Variants in ZNF804B observed in about 807,000 individuals in gnomAD.
ZNF804B encodes the protein zinc finger 804B.
ZNF804B carries 80 observed loss-of-function variants against 101.4 expected under a neutral mutation model. The ratio of observed to expected loss-of-function variants is 0.79; its 90% CI spans 0.66 to 0.95. ZNF804B has a LOEUF of 0.95. Ranked by LOEUF, ZNF804B falls within the 40% of genes least tolerant of loss-of-function variation. The pLI, the probability that ZNF804B is intolerant of heterozygous loss-of-function variation, is 0.00. For missense variants in ZNF804B, 1,673 were observed against 1,561.9 expected, an observed-to-expected ratio of 1.07 and a Z score of -1.20; for synonymous variants, 622 against 558.8, an observed-to-expected ratio of 1.11 and a Z score of -1.59.
chr7:89,249,603 A>G (rs564358327), intron 2 of ZNF804B, among the ~76,000 whole-genome samples: 9 of 152,296 alleles, frequency 5.9e-5, no homozygotes, highest in Admixed American at 2.0e-4. Context: ...CACAGATACA[A>G]TATACTAAAA....
chr7:89,115,578 G>A (rs985854046), intron 1 of ZNF804B, among the ~76,000 whole-genome samples: 2 of 152,168 alleles, frequency 1.3e-5, no homozygotes, highest in Non-Finnish European at 2.9e-5. Flanking sequence ...ATAATGGATG[G>A]AAGTTGATGA....
At chr7:88,906,236 G>A (rs1183189313) in intron 1 of ZNF804B, among the ~76,000 whole-genome samples, 1 of 151,826 alleles carries the variant, frequency 6.6e-6, no homozygotes, top group East Asian at 1.9e-4. Context: ...GATGTTTTGT[G>A]TGAATTTTTA....
intron 1 of ZNF804B, among the ~76,000 whole-genome samples, chr7:88,798,873 A>G (rs1423163419): frequency 6.6e-6 from 1 of 152,096 alleles, no homozygotes; most frequent in Non-Finnish European, 1.5e-5. Context: ...TGGTGACTCA[A>G]GAGAACTCTT....
At position 88,995,941 on chromosome 7, in the gene ZNF804B, C is replaced by T. The variant is rs532931649; in HGVS notation, c.109-222214C>T. ...TTCTGCAAAATACCTGACCAATACT[C>T]AAAGCTGTGAAGGTCATTAAAAACA... is the stretch of plus-strand genomic sequence containing the variant. On this transcript the variant is annotated intron_variant, in intron 1 of 3. Transcript: ENST00000333190. Among the ~76,000 whole-genome samples the T allele has an allele frequency of 4.6e-5, 7 of 152,060 alleles. No homozygotes were observed. In the South Asian group the frequency reaches 1.0e-3, roughly 23 times the overall value.
At chr7:88,768,006 C>T (rs1250948276) in intron 1 of ZNF804B, among the ~76,000 whole-genome samples, 1 of 152,168 alleles carries the variant, frequency 6.6e-6, no homozygotes, top group African/African-American at 2.4e-5. Flanking sequence ...GCCATCACAT[C>T]CATTGAAATC....
At chr7:88,954,680 T>C (rs557127812) in intron 1 of ZNF804B, among the ~76,000 whole-genome samples, 1 of 151,718 alleles carries the variant, frequency 6.6e-6, no homozygotes, top group South Asian at 2.1e-4. Flanking sequence ...AATGTGTGGT[T>C]TTGGGGTCAC....
intron 1 of ZNF804B, among the ~76,000 whole-genome samples, chr7:88,878,233 G>T (rs1159228613): frequency 6.6e-6 from 1 of 152,022 alleles, no homozygotes; most frequent in Non-Finnish European, 1.5e-5. Flanking sequence ...CAAGGGTTTT[G>T]GATCCTCCTG....
At chr7:88,853,561 G>A (rs538554432) in intron 1 of ZNF804B, among the ~76,000 whole-genome samples, 2 of 152,028 alleles carry the variant, frequency 1.3e-5, no homozygotes, top group East Asian at 3.9e-4. Context: ...AGATTTTTTT[G>A]TGCTCAGTAG....
intron 1 of ZNF804B, among the ~76,000 whole-genome samples, chr7:88,883,923 A>G (rs1350876404): frequency 2.6e-5 from 4 of 152,058 alleles, no homozygotes; most frequent in South Asian, 2.1e-4. Context: ...TTAGAAGACA[A>G]TAACATTATA....
chr7:89,070,709 C>T (rs1445531499), intron 1 of ZNF804B, among the ~76,000 whole-genome samples: 4 of 152,140 alleles, frequency 2.6e-5, no homozygotes, highest in Non-Finnish European at 5.9e-5. Context: ...GATTTAACCT[C>T]AGGCTCAATG....
intron 1 of ZNF804B, among the ~76,000 whole-genome samples, chr7:89,183,409 C>T (rs117809376): frequency 3.9e-5 from 6 of 151,982 alleles, no homozygotes; most frequent in Admixed American, 6.6e-5. Flanking sequence ...ATCCTAAAAA[C>T]GCCAAAGAAG....
intron 1 of ZNF804B, among the ~76,000 whole-genome samples, chr7:89,104,569 T>G (rs1790107412): frequency 1.3e-5 from 2 of 152,072 alleles, no homozygotes; most frequent in African/African-American, 4.8e-5. Context: ...TCATATTTCT[T>G]TGGTATCAGT....
intron 1 of ZNF804B, among the ~76,000 whole-genome samples, chr7:88,869,457 C>T (rs905674017): frequency 1.6e-4 from 24 of 152,148 alleles, no homozygotes; most frequent in African/African-American, 5.8e-4. Flanking sequence ...CAACATTTCC[C>T]ACCCCTGCTT....
intron 1 of ZNF804B, among the ~76,000 whole-genome samples, chr7:88,905,471 C>A (rs865778605): frequency 6.6e-6 from 1 of 152,210 alleles, no homozygotes; most frequent in Non-Finnish European, 1.5e-5. Context: ...AATTCTCCTG[C>A]CTCAACCTCC....
At chr7:89,247,443 A>G (rs1414946925) in intron 2 of ZNF804B, among the ~76,000 whole-genome samples, 1 of 152,166 alleles carries the variant, frequency 6.6e-6, no homozygotes, top group Non-Finnish European at 1.5e-5. Flanking sequence ...AGGTCCAACC[A>G]CAGAGCCCAA....
chr7:89,192,688 G>A (rs2522283), intron 1 of ZNF804B, among the ~76,000 whole-genome samples: 23,910 of 151,260 alleles, frequency 0.16, 2,789 homozygotes, highest in East Asian at 0.65. Flanking sequence ...TACCTAGCAG[G>A]GACACAACAA....
At chr7:89,320,777 A>G (rs958531599) in intron 2 of ZNF804B, among the ~76,000 whole-genome samples, 5 of 152,148 alleles carry the variant, frequency 3.3e-5, no homozygotes, top group African/African-American at 1.2e-4. Context: ...AAGGGGATAA[A>G]AAAGAAACTT....
intron 2 of ZNF804B, among the ~76,000 whole-genome samples, chr7:89,305,395 T>C (rs1790545630): frequency 6.6e-6 from 1 of 151,974 alleles, no homozygotes; most frequent in African/African-American, 2.4e-5. Context: ...ATCAAGAAAT[T>C]ACTACATCAT....
chr7:88,931,030 A>G (rs2116019377), intron 1 of ZNF804B, among the ~76,000 whole-genome samples: 1 of 151,954 alleles, frequency 6.6e-6, no homozygotes, highest in Admixed American at 6.6e-5. Context: ...ATAATTCAGT[A>G]GTTTCTGCAC....
Sources: gnomAD v4.1 joint callset for allele counts (sites outside exome capture counted in the v4.1 genomes callset) on GRCh38, gnomAD v4.1.1 for gene constraint, MANE v1.5 for transcripts, NCBI Gene and HGNC (gene_info 2026-07-23, HGNC 2026-07-21) for gene names.